The following RBFOX1 variants were observed in gnomAD, a reference collection of about 807,000 sequenced individuals.
RBFOX1 encodes the protein RNA binding protein fox-1 homolog 1.
A neutral mutation model predicts 57.7 loss-of-function variants in RBFOX1; 8 were observed. That is an observed-to-expected ratio of 0.14 (90% CI 0.08 to 0.25). RBFOX1 has a LOEUF of 0.25. Among genes scored for constraint, RBFOX1 ranks in the 10% least tolerant of loss-of-function variants. The pLI is 1.00. For synonymous variants in RBFOX1, 326 were observed against 222.4 expected (o/e 1.47, Z -4.15); for missense variants, 611 against 548.5 (o/e 1.11, Z -1.14).
rs116350647 is a variant in RBFOX1, at chr16:7,019,533, C to G, written c.-15-32524C>G. ...CTGAGCCCATGGTCCTCTCTCTCCT[C>G]TTGTTTGTGCTGTGGATTTGCAGTT... is the stretch of plus-strand genomic sequence containing the variant. On this transcript the variant is annotated intron_variant, in intron 3 of 15. Coordinates refer to ENST00000550418, the MANE Select transcript of RBFOX1 (RefSeq NM_018723.4). Among the ~76,000 whole-genome samples the G allele has an allele frequency of 2.9e-3, 434 of 152,220 alleles. 5 individuals are homozygous for G. Among genetic ancestry groups the G allele is most frequent in the African/African-American group, 9.8e-3 (408 of 41,540 alleles).
At chr16:6,885,262 A>C (rs150622702) in intron 3 of RBFOX1, among the ~76,000 whole-genome samples, 26 of 152,272 alleles carry the variant, frequency 1.7e-4, no homozygotes, top group African/African-American at 6.0e-4. Flanking sequence ...CGTCAGCATC[A>C]CCTGGAAACT....
Position 7,445,751 on chromosome 16 carries a change from C to T in RBFOX1, c.28-72396C>T, listed in dbSNP as rs12599023. 0.023 allele frequency among the ~76,000 whole-genome samples: 3,573 copies of T among 152,168 alleles called. 326 individuals carry two copies. The East Asian group carries it at 0.3, about 13-fold the overall frequency. ...GTTGTTTTTGTTTTGTCTTTTCACG[C>T]GGGTGACGTTTGGAGATGCCCAAAG... On this transcript the variant is annotated intron_variant, in intron 4 of 15. Coordinates refer to ENST00000550418, the MANE Select transcript of RBFOX1 (RefSeq NM_018723.4).
At chr16:7,281,550 T>A (rs1230158651) in intron 4 of RBFOX1, among the ~76,000 whole-genome samples, 1 of 152,148 alleles carries the variant, frequency 6.6e-6, no homozygotes. Flanking sequence ...AAGTGTTAAC[T>A]ACTATTCTTA....
At chr16:5,920,888 C>A (rs1251347772) in intron 4 of RBFOX1, among the ~76,000 whole-genome samples, 1 of 116,048 alleles carries the variant, frequency 8.6e-6, no homozygotes, top group Non-Finnish European at 1.9e-5. Context: ...ACACTTCCTG[C>A]CCAATGGAGT....
rs186833141 is a variant in RBFOX1 at position 6,442,033 on chromosome 16, G to T, written c.-64+124976G>T. Among the ~76,000 whole-genome samples, 884 of 152,306 alleles carry T rather than the reference G, an allele frequency of 5.8e-3. 3 individuals carry two copies. The highest frequency in any genetic ancestry group is 0.014 in the Middle Eastern group (4 of 294). On this transcript the variant is annotated intron_variant, in intron 2 of 15. Coordinates refer to ENST00000550418, the MANE Select transcript of RBFOX1 (RefSeq NM_018723.4). ...TTGCTCTGAGGAATTCATAGGCTTTGTTTCCAAGCTTTTAATTCTTCCAAG... is the reference window on the plus strand; with the variant it reads ...TTGCTCTGAGGAATTCATAGGCTTTTTTTCCAAGCTTTTAATTCTTCCAAG...
chr16:5,634,299 C>T (rs370148666), intron 3 of RBFOX1, among the ~76,000 whole-genome samples: 1 of 152,222 alleles, frequency 6.6e-6, no homozygotes, highest in African/African-American at 2.4e-5. Flanking sequence ...TTTATTTTCA[C>T]TTTCTCCATA....
rs530895561 is a variant in RBFOX1 at position 7,482,602 on chromosome 16, G to T, written c.28-35545G>T. Among the ~76,000 whole-genome samples, 5 of 139,850 alleles carry T rather than the reference G, an allele frequency of 3.6e-5. No homozygotes were observed. In the South Asian group the frequency reaches 1.1e-3, roughly 32 times the overall value. The allele number at this position is 139,850 out of a possible 152,430, so 91.7% of individuals were successfully genotyped here. A position where few individuals can be genotyped will look rare whatever the true frequency, so the allele number is the denominator to read the frequency against. Reference sequence around the variant, plus strand: ...GTCATGAAGATATTGCCTAGCCTCGGGTACACAAATTCTGGATCTGCTTTC... The same window carrying T: ...GTCATGAAGATATTGCCTAGCCTCGTGTACACAAATTCTGGATCTGCTTTC... On this transcript the variant is annotated intron_variant, in intron 4 of 15. Coordinates refer to ENST00000550418, the MANE Select transcript of RBFOX1 (RefSeq NM_018723.4).
chr16:5,611,345 AT>A (rs1391080882), intron 3 of RBFOX1: 1 of 151,450 alleles, frequency 6.6e-6, no homozygotes, highest in Non-Finnish European at 1.5e-5. Context: ...CTCCTTTCTC[AT>A]TTCTGACACA....
chr16:5,459,690 A>G (rs1022965252), intron 1 of RBFOX1, among the ~76,000 whole-genome samples: 2 of 151,936 alleles, frequency 1.3e-5, no homozygotes, highest in African/African-American at 4.8e-5. Flanking sequence ...CATGATCTTA[A>G]CCCTTCCTCC....
chr16:6,739,169 A>T (rs1454377251), intron 3 of RBFOX1, among the ~76,000 whole-genome samples: 2 of 152,070 alleles, frequency 1.3e-5, no homozygotes, highest in Non-Finnish European at 2.9e-5. Context: ...TTGAAAACAG[A>T]AAAACAAGAG....
At position 6,929,239 on chromosome 16, in the gene RBFOX1, C is replaced by G. The variant is rs562903867; in HGVS notation, c.-15-122818C>G. 9.2e-5 allele frequency among the ~76,000 whole-genome samples: 14 copies of G among 152,054 alleles called. 1 individual carries two copies. Among genetic ancestry groups the G allele is most frequent in the Admixed American group, 2.6e-4 (4 of 15,266 alleles). ...ACTGCTTGGATCCTACCCTTTATGA[C>G]AGAGAAGAAGAAGATATTGCTAAGG... On this transcript the variant is annotated intron_variant, in intron 3 of 15. Transcript: ENST00000550418.
At chr16:7,510,187 C>G (rs558821137) in intron 4 of RBFOX1, 1 of 985,760 alleles carries the variant, frequency 1.0e-6, no homozygotes, top group South Asian at 4.7e-5. Flanking sequence ...CCCGATCATC[C>G]ACACATTGCA....
intron 4 of RBFOX1, among the ~76,000 whole-genome samples, chr16:7,168,257 G>A (rs1235679984): frequency 6.6e-6 from 1 of 152,108 alleles, no homozygotes; most frequent in African/African-American, 2.4e-5. Context: ...TAGAATTTTT[G>A]GAGAGTCTGA....
intron 1 of RBFOX1, among the ~76,000 whole-genome samples, chr16:5,400,628 G>A (rs959862174): frequency 6.6e-6 from 1 of 151,596 alleles, no homozygotes; most frequent in Non-Finnish European, 1.5e-5. Flanking sequence ...TTATGCCTGG[G>A]CCATAGTTTA....
At chr16:5,670,180 G>A (rs1415465159) in intron 3 of RBFOX1, among the ~76,000 whole-genome samples, 1 of 152,158 alleles carries the variant, frequency 6.6e-6, no homozygotes, top group Non-Finnish European at 1.5e-5. Context: ...TGGGGGCTGG[G>A]GGAGGGGTTT....
chr16:6,236,627 T>C (rs143956304), intron 1 of RBFOX1, among the ~76,000 whole-genome samples: 1 of 152,094 alleles, frequency 6.6e-6, no homozygotes, highest in East Asian at 1.9e-4. Flanking sequence ...ATTTTTGTAT[T>C]TTTAGTAGAG....
intron 3 of RBFOX1, among the ~76,000 whole-genome samples, chr16:7,033,331 C>G (rs1414121608): frequency 2.0e-5 from 3 of 152,164 alleles, no homozygotes; most frequent in African/African-American, 7.2e-5. Context: ...ACCAGCCTGG[C>G]TGACATGGTG....
At chr16:5,454,939 C>T (rs1567535645) in intron 1 of RBFOX1, among the ~76,000 whole-genome samples, 39 of 43,972 alleles carry the variant, frequency 8.9e-4, no homozygotes, top group African/African-American at 3.4e-3. Flanking sequence ...TCCTTCCTTC[C>T]TTCCTTCCTT....
At chr16:7,577,561 T>C (rs2093433949) in intron 5 of RBFOX1, among the ~76,000 whole-genome samples, 1 of 152,218 alleles carries the variant, frequency 6.6e-6, no homozygotes, top group Non-Finnish European at 1.5e-5. Context: ...CATATGACCT[T>C]GATTTAAGGT....
Sources: allele counts gnomAD v4.1 joint callset (sites outside exome capture counted in the v4.1 genomes callset), GRCh38; gene constraint gnomAD v4.1.1; transcripts MANE v1.5; gene names NCBI Gene and HGNC (gene_info 2026-07-23, HGNC 2026-07-21).